The following MMP24 variants were observed in gnomAD, a reference collection of about 807,000 sequenced individuals.
The protein encoded by MMP24 is matrix metalloproteinase-24.
A neutral mutation model predicts 62.8 loss-of-function variants in MMP24; 25 were observed. The observed-to-expected ratio is 0.40, with a 90% CI of 0.29 to 0.56. The LOEUF (loss-of-function observed/expected upper bound fraction) is 0.56. Among genes scored for constraint, MMP24 ranks in the 20% least tolerant of loss-of-function variants. MMP24 has a pLI of 0.50. For missense variants in MMP24, 634 were observed against 853.6 expected (o/e 0.74, Z 3.21); for synonymous variants, 319 against 350.5 (o/e 0.91, Z 1.00).
At chr20:35,237,858 A>G (rs2060471089) in intron 1 of MMP24, among the ~76,000 whole-genome samples, 2 of 152,204 alleles carry the variant, frequency 1.3e-5, no homozygotes, top group Admixed American at 1.3e-4. Flanking sequence ...CTGTCTAAGA[A>G]CTAGGCAGGG....
rs565078062 is a variant in MMP24 at position 35,269,372 on chromosome 20, G to A, written c.1195-388G>A. On this transcript the variant is annotated intron_variant, in intron 6 of 8. Coordinates refer to ENST00000246186, the MANE Select transcript of MMP24 (RefSeq NM_006690.4). This position sits in a 1 kb window ranked among gnomAD's most constrained non-coding sequence, Gnocchi z 4.6. ...GCTGGATGGAGCCAGCCTCATGGAGGGCGCTCGGCCCAGGCTCAGTGACCA... is the reference window on the plus strand; with the variant it reads ...GCTGGATGGAGCCAGCCTCATGGAGAGCGCTCGGCCCAGGCTCAGTGACCA... Among the ~76,000 whole-genome samples, 2 of 152,186 alleles carry A rather than the reference G, an allele frequency of 1.3e-5. No individual in the cohort carries two copies. The highest frequency in any genetic ancestry group is 4.1e-4 in the South Asian group (2 of 4,826).
intron 1 of MMP24, among the ~76,000 whole-genome samples, chr20:35,230,553 T>C (rs948168842): frequency 1.3e-5 from 2 of 152,206 alleles, no homozygotes; most frequent in Admixed American, 1.3e-4. Flanking sequence ...TGGGACTCAT[T>C]GCCAACTTGT....
intron 4 of MMP24, 35 bp from the exon 5 acceptor site, chr20:35,263,756 G>C (rs758548320): frequency 1.4e-6 from 2 of 1,465,684 alleles, no homozygotes; most frequent in African/African-American, 2.9e-5. Context: ...ATCTAAGCAG[G>C]TGCCCTGGGC....
intron 2 of MMP24, among the ~76,000 whole-genome samples, chr20:35,249,162 C>T (rs1034602048): frequency 1.3e-5 from 2 of 152,128 alleles, no homozygotes; most frequent in African/African-American, 2.4e-5. Flanking sequence ...AATTTAGAGC[C>T]CCAAGATGCA....
intron 1 of MMP24, among the ~76,000 whole-genome samples, chr20:35,230,905 T>G (rs1205426387): frequency 6.6e-6 from 1 of 152,178 alleles, no homozygotes; most frequent in Non-Finnish European, 1.5e-5. Context: ...GCCAAAAAAT[T>G]TTTTTATTCA....
intron 4 of MMP24, among the ~76,000 whole-genome samples, chr20:35,260,753 G>A (rs1453695569): frequency 1.3e-5 from 2 of 152,204 alleles, no homozygotes; most frequent in Admixed American, 6.5e-5. Context: ...CTTCCTTTCC[G>A]TTGCTCAAAG....
chr20:35,258,803 A>G (rs1353052855), intron 4 of MMP24, among the ~76,000 whole-genome samples: 6 of 152,028 alleles, frequency 3.9e-5, no homozygotes, highest in African/African-American at 1.4e-4. Context: ...ACTTAAAAAA[A>G]AAAAACAACA....
intron 8 of MMP24, among the ~76,000 whole-genome samples, chr20:35,273,849 G>A (rs2060687136): frequency 6.6e-6 from 1 of 152,228 alleles, no homozygotes; most frequent in African/African-American, 2.4e-5. Context: ...AGGTCTTGCT[G>A]TCAACACAAG....
rs57309455 is a variant in MMP24, at chr20:35,264,707, CAAAAAAAAAAAAAAAAA to C, written c.979+770_979+786del. Among the ~76,000 whole-genome samples the C allele has an allele frequency of 1.1e-3, 46 of 43,548 alleles. 1 individual carries two copies. Among genetic ancestry groups the C allele is most frequent in the Admixed American group, 2.3e-3 (5 of 2,206 alleles). 28.6% of individuals were successfully genotyped at this position (43,548 alleles called of 152,430 possible). The stretch of plus-strand genomic sequence containing the variant: ...TGGGCAACAGGGCGAGACTCCGTCT[CAAAAAAAAAAAAAAAAA>C]AAAAAAAAAAAAAAGAAAGAAAAGG... On this transcript the variant is annotated intron_variant, in intron 5 of 8. Coordinates refer to ENST00000246186, the MANE Select transcript of MMP24 (RefSeq NM_006690.4).
chr20:35,258,537 G>A (rs1478258721), intron 4 of MMP24, among the ~76,000 whole-genome samples: 1 of 152,170 alleles, frequency 6.6e-6, no homozygotes, highest in Non-Finnish European at 1.5e-5. Context: ...CATTTGGCGT[G>A]ACTAGAATCA....
intron 6 of MMP24, chr20:35,267,849 C>T (rs1003346711): frequency 5.0e-6 from 1 of 201,496 alleles, no homozygotes; most frequent in African/African-American, 2.4e-5. Context: ...CAGACCCTAC[C>T]AAGGCTTGAG....
chr20:35,268,752 C>T (rs1017858901), intron 6 of MMP24, among the ~76,000 whole-genome samples: 5 of 146,862 alleles, frequency 3.4e-5, no homozygotes, highest in East Asian at 4.2e-4. Flanking sequence ...GGAGGCTGGG[C>T]GCAGTGGCTC....
chr20:35,230,296 A>T (rs1408099564), intron 1 of MMP24, among the ~76,000 whole-genome samples: 1 of 152,048 alleles, frequency 6.6e-6, no homozygotes, highest in Non-Finnish European at 1.5e-5. Context: ...AGCCCTATTT[A>T]TTTTTTAATA....
intron 1 of MMP24, among the ~76,000 whole-genome samples, chr20:35,243,937 T>C (rs192810638): frequency 7.7e-4 from 117 of 152,332 alleles, no homozygotes; most frequent in African/African-American, 2.6e-3. Context: ...TCAGATCCAA[T>C]TGTGAGAGAC....
chr20:35,241,718 G>A (rs940637696), intron 1 of MMP24, among the ~76,000 whole-genome samples: 1 of 152,186 alleles, frequency 6.6e-6, no homozygotes, highest in Non-Finnish European at 1.5e-5. Flanking sequence ...CTGAGGAGGA[G>A]CTACTTTTAA....
intron 1 of MMP24, 148 bp downstream of exon 1, chr20:35,227,132 G>A: frequency 3.0e-6 from 2 of 661,680 alleles, no homozygotes; most frequent in Non-Finnish European, 3.7e-6. Context: ...GGTCCGGGCT[G>A]GCGCGGCCCA....
chr20:35,246,130 A>T lies in MMP24; in HGVS notation c.247-710A>T, dbSNP rs113901825. Among the ~76,000 whole-genome samples, 448 of 152,122 alleles carry T rather than the reference A, an allele frequency of 2.9e-3. 3 individuals are homozygous for T. Among genetic ancestry groups the T allele is most frequent in the African/African-American group, 9.1e-3 (379 of 41,514 alleles). ...ACACGGTGGATTTCTGGGTGGCACA[A>T]CATTTTCAAAATACCACTCTGCATC... On this transcript the variant is annotated intron_variant, in intron 1 of 8. Coordinates refer to ENST00000246186, the MANE Select transcript of MMP24 (RefSeq NM_006690.4).
At chr20:35,264,259 T>G in intron 5 of MMP24, 1 of 204,714 alleles carries the variant, frequency 4.9e-6, no homozygotes, top group Non-Finnish European at 9.8e-6. Context: ...CCCTTCATGC[T>G]TCTCTCCCTC....
At chr20:35,240,278 C>A (rs897486555) in intron 1 of MMP24, among the ~76,000 whole-genome samples, 2 of 152,124 alleles carry the variant, frequency 1.3e-5, no homozygotes, top group Non-Finnish European at 2.9e-5. Context: ...TTCTCAGGAA[C>A]CCAAATCCTG....
Sources: gnomAD v4.1 joint callset for allele counts (sites outside exome capture counted in the v4.1 genomes callset) on GRCh38, gnomAD v4.1.1 for gene constraint, Gnocchi (gnomAD v3.1) non-coding constraint, MANE v1.5 for transcripts, NCBI Gene and HGNC (gene_info 2026-07-23, HGNC 2026-07-21) for gene names.